Variants in SYNE1 observed in about 807,000 individuals in gnomAD.
SYNE1 encodes the protein nesprin-1.
SYNE1 carries 616 observed loss-of-function variants against 1,111.0 expected under a neutral mutation model. That is an observed-to-expected ratio of 0.55 (90% CI 0.52 to 0.59). SYNE1 has a LOEUF of 0.59. SYNE1 is among the 20% of genes least tolerant of loss of function. The pLI, the probability that SYNE1 is intolerant of heterozygous loss-of-function variation, is 0.00. For missense variants in SYNE1, 10,006 were observed against 10,417.0 expected, an observed-to-expected ratio of 0.96 and a Z score of 1.72; for synonymous variants, 3,855 against 3,825.8, an observed-to-expected ratio of 1.01 and a Z score of -0.28.
chr6:152,511,094 C>T lies in SYNE1; in HGVS notation c.319G>A (p.Val107Ile). The T allele has an allele frequency of 6.2e-7, 1 of 1,613,594 alleles. No individual in the cohort carries two copies. The highest frequency in any genetic ancestry group is 8.5e-7 in the Non-Finnish European group (1 of 1,179,668). ...KFLEGRKIKL[V>I]NINSTDIADG... ...GCTATATCGGTGGAGTTAATGTTGA[C>T]TAATTTAATCTGTTTAAAAAAGAGA... is the stretch of plus-strand genomic sequence containing the variant. The change falls in exon 7 of 146, where the codon GTC becomes ATC. Residue 107 changes from valine (V) to isoleucine (I), a missense_variant. Physicochemically the swap from Val to Ile is conservative, Grantham distance 29. Around this residue, in one of 7 missense-constraint regions of SYNE1, gnomAD observed 1,971 missense variants for 2,084.1 expected, o/e 0.95. Coordinates refer to ENST00000367255, the MANE Select transcript of SYNE1 (RefSeq NM_182961.4).
At chr6:152,340,120 G>A (rs981910630) in intron 74 of SYNE1, among the ~76,000 whole-genome samples, 2 of 152,180 alleles carry the variant, frequency 1.3e-5, no homozygotes, top group Admixed American at 1.3e-4. Flanking sequence ...TAGCGTATGA[G>A]GAAGAAGGAC....
chr6:152,341,172 A>G (rs1382296766), intron 74 of SYNE1, among the ~76,000 whole-genome samples: 1 of 152,220 alleles, frequency 6.6e-6, no homozygotes, highest in African/African-American at 2.4e-5. Context: ...AATTGAATGT[A>G]CAAGCGAACT....
At chr6:152,559,534 C>A (rs1595371035) in intron 3 of SYNE1, among the ~76,000 whole-genome samples, 2 of 151,962 alleles carry the variant, frequency 1.3e-5, no homozygotes, top group Non-Finnish European at 2.9e-5. Context: ...ATTCATTGAA[C>A]AATCAATGGG....
chr6:152,266,363 A>G (rs1406500489), intron 100 of SYNE1, among the ~76,000 whole-genome samples: 1 of 152,188 alleles, frequency 6.6e-6, no homozygotes, highest in Non-Finnish European at 1.5e-5. Context: ...CTTTGTCAAA[A>G]TATTTGTTTG....
intron 77 of SYNE1, among the ~76,000 whole-genome samples, chr6:152,332,136 G>T (rs1218423623): frequency 6.6e-6 from 1 of 152,070 alleles, no homozygotes; most frequent in Non-Finnish European, 1.5e-5. Context: ...CACCATGCTC[G>T]GCTAATTTTC....
At chr6:152,346,128 AT>A (rs1480775256) in intron 73 of SYNE1, among the ~76,000 whole-genome samples, 1 of 152,160 alleles carries the variant, frequency 6.6e-6, no homozygotes, top group East Asian at 1.9e-4. Flanking sequence ...TCTTTTTTAA[AT>A]TTCCTCAAAT....
In SYNE1 at chr6:152,336,951, A is replaced by C; in HGVS notation, c.12418T>G (p.Ser4140Ala). 1 of 1,614,126 alleles carries C rather than the reference A, an allele frequency of 6.2e-7. No individual in the cohort carries two copies. Reference protein sequence around the residue: ...QGWEEIKHLKSELWIYLQDAD... With the variant: ...QGWEEIKHLKAELWIYLQDAD... ...TCTTGCAGGTAAATCCAGAGCTCAG[A>C]CTTCAGGTGCTTGATCTCTTCCCAG... is the stretch of plus-strand genomic sequence containing the variant. The change falls in exon 76 of 146, where the codon TCT (serine) becomes GCT (alanine). Residue 4140 changes from serine (S) to alanine (A), a missense_variant. By Grantham distance (99) the Ser-to-Ala change is moderately conservative. Around this residue, in one of 7 missense-constraint regions of SYNE1, gnomAD observed 4,955 missense variants for 5,017.2 expected, o/e 0.99. Coordinates refer to ENST00000367255, the MANE Select transcript of SYNE1 (RefSeq NM_182961.4).
chr6:152,413,465 T>G lies in SYNE1; in HGVS notation c.6117A>C (p.Lys2039Asn), dbSNP rs1449605743. The change falls in exon 42 of 146, where the codon AAA (lysine) becomes AAC (asparagine). Residue 2039 changes from lysine (K) to asparagine (N), a missense_variant. This residue lies in a region of SYNE1 where 4,955 missense variants were observed against 5,017.2 expected (regional missense o/e 0.99). Coordinates refer to ENST00000367255, the MANE Select transcript of SYNE1 (RefSeq NM_182961.4). ...NSHEHELCWL[K>N]DKAKQIAQKD... ...TCTGGGCAATTTGCTTGGCTTTGTC[T>G]TTCAACCAACATAGTTCATGCTCGT... The G allele has an allele frequency of 3.7e-6, 6 of 1,614,076 alleles. No individual in the cohort carries two copies. The highest frequency in any genetic ancestry group is 1.3e-5 in the African/African-American group (1 of 74,932).
Position 152,325,938 on chromosome 6 carries a change from A to T in SYNE1, c.15438+20T>A, listed in dbSNP as rs1236533561. 3 of 1,613,818 alleles carry T rather than the reference A, an allele frequency of 1.9e-6. No individual in the cohort carries two copies. The highest frequency in any genetic ancestry group is 2.2e-5 in the East Asian group (1 of 44,874). On this transcript the variant is annotated intron_variant, in intron 80 of 145. Transcript: ENST00000367255. ...TAATTATAGAAAAAGGATTTTTTTT[A>T]AATGGCCCAAAACTCTGACCTTGTG...
At chr6:152,617,213 T>TAGGG (rs1203516389) in intron 3 of SYNE1, among the ~76,000 whole-genome samples, 1 of 152,182 alleles carries the variant, frequency 6.6e-6, no homozygotes, top group African/African-American at 2.4e-5. Context: ...CACCAGCCTA[T>TAGGG]AGGGACTTGT....
At chr6:152,536,671 T>C (rs902644308) in intron 4 of SYNE1, among the ~76,000 whole-genome samples, 1 of 151,464 alleles carries the variant, frequency 6.6e-6, no homozygotes, top group Non-Finnish European at 1.5e-5. Context: ...CCCAAGCCTC[T>C]TGTATTCCCT....
chr6:152,452,967 G>A (rs543002837), intron 25 of SYNE1, among the ~76,000 whole-genome samples: 10 of 152,080 alleles, frequency 6.6e-5, no homozygotes, highest in East Asian at 1.9e-4. Flanking sequence ...TACCTGATTC[G>A]CTGTTTTCCA....
At chr6:152,425,640 T>G (rs940399094) in intron 38 of SYNE1, 93 bp from the exon 39 acceptor site, 28 of 1,472,216 alleles carry the variant, frequency 1.9e-5, no homozygotes, top group Middle Eastern at 3.5e-4. Flanking sequence ...AGGATTCGCA[T>G]TCTTGCAAAA....
At chr6:152,340,614 G>T (rs150911259) in intron 74 of SYNE1, among the ~76,000 whole-genome samples, 7 of 152,168 alleles carry the variant, frequency 4.6e-5, no homozygotes, top group African/African-American at 1.7e-4. Flanking sequence ...GAACCACTGC[G>T]CTAGTCCCAT....
chr6:152,454,496 C>A (rs911399460), intron 24 of SYNE1, among the ~76,000 whole-genome samples: 1 of 152,190 alleles, frequency 6.6e-6, no homozygotes, highest in African/African-American at 2.4e-5. Flanking sequence ...TATACTAGCA[C>A]CTGATCACAG....
chr6:152,343,884 C>G (rs1303006138), intron 74 of SYNE1, among the ~76,000 whole-genome samples, 197 bp downstream of exon 74: 1 of 152,162 alleles, frequency 6.6e-6, no homozygotes, highest in Admixed American at 6.6e-5. Flanking sequence ...TCTTTCTAGT[C>G]TACCAAGTTG....
intron 56 of SYNE1, 75 bp from the exon 57 acceptor site, chr6:152,376,987 T>A: frequency 5.2e-6 from 8 of 1,540,970 alleles, no homozygotes; most frequent in Non-Finnish European, 7.1e-6. Context: ...TATACATGCA[T>A]CAATCATATT....
chr6:152,377,383 G>T (rs934346060), intron 56 of SYNE1, among the ~76,000 whole-genome samples: 5 of 151,476 alleles, frequency 3.3e-5, no homozygotes, highest in African/African-American at 1.2e-4. Flanking sequence ...GCCGAGGAGG[G>T]TGGATCACCT....
Position 152,352,220 on chromosome 6 carries a change from T to C in SYNE1, c.11387A>G (p.Gln3796Arg). ...LRKEIHDHME[Q>R]LKELTSTVRK... ...GACAGTGCTGGTCAGTTCCTTCAACTGCTCCATGTGATCATGAATCTCCTT... is the reference window on the plus strand; with the variant it reads ...GACAGTGCTGGTCAGTTCCTTCAACCGCTCCATGTGATCATGAATCTCCTT... The change falls in exon 70 of 146, where the codon CAG becomes CGG. Residue 3796 changes from glutamine to arginine, a missense_variant. This residue lies in a region of SYNE1 where 4,955 missense variants were observed against 5,017.2 expected (regional missense o/e 0.99). Transcript: ENST00000367255. 1 of 1,614,180 alleles carries C rather than the reference T, an allele frequency of 6.2e-7. No individual in the cohort carries two copies. Among genetic ancestry groups the C allele is most frequent in the Non-Finnish European group, 8.5e-7 (1 of 1,180,014 alleles).
Sources: gnomAD v4.1 joint callset for allele counts (sites outside exome capture counted in the v4.1 genomes callset) on GRCh38, gnomAD v4.1.1 for gene constraint, gnomAD v4.1.1 regional missense constraint, MANE v1.5 for transcripts, NCBI Gene and HGNC (gene_info 2026-07-23, HGNC 2026-07-21) for gene names.